The following STUM variants were observed in gnomAD, a reference collection of about 807,000 sequenced individuals.
STUM encodes protein stum homolog.
In STUM, 8 loss-of-function variants were observed where a neutral mutation model predicts 15.3. That is an observed-to-expected ratio of 0.52 (90% CI 0.31 to 0.94). The LOEUF (loss-of-function observed/expected upper bound fraction) is 0.94, where lower values mean the gene tolerates loss of function less well. Among genes scored for constraint, STUM ranks in the 40% least tolerant of loss-of-function variants. The probability of loss-of-function intolerance (pLI) is 0.05; values close to 1 mark genes in which losing one functional copy is unlikely to be tolerated. For missense variants in STUM, 142 were observed against 204.9 expected, an observed-to-expected ratio of 0.69 and a Z score of 1.87; for synonymous variants, 78 against 88.7, an observed-to-expected ratio of 0.88 and a Z score of 0.68.
At chr1:226,587,343 A>T (rs1219373635) in intron 1 of STUM, among the ~76,000 whole-genome samples, 1 of 152,166 alleles carries the variant, frequency 6.6e-6, no homozygotes, top group East Asian at 1.9e-4. Flanking sequence ...CTCGGAAGGA[A>T]GGACACCAGA....
At chr1:226,580,820 C>G (rs1667906819) in intron 1 of STUM, among the ~76,000 whole-genome samples, 1 of 152,224 alleles carries the variant, frequency 6.6e-6, no homozygotes, top group Non-Finnish European at 1.5e-5. Context: ...AGGACAGTGT[C>G]TGGTGGATCT....
rs781073108 is a variant in STUM at position 226,602,067 on chromosome 1, A to AG, written c.*33dup. On this transcript the variant is annotated 3_prime_UTR_variant, in exon 4 of 4. Transcript: ENST00000366788. ...CCCACGGGAGCCGCTGGGGAGATCCAGGGGGGCCCTGTGAGGGCTGCACCA... is the reference window on the plus strand; with the variant it reads ...CCCACGGGAGCCGCTGGGGAGATCCAGGGGGGGCCCTGTGAGGGCTGCACCA... The AG allele has an allele frequency of 1.0e-5, 16 of 1,597,902 alleles. No individual in the cohort carries two copies. Among genetic ancestry groups the AG allele is most frequent in the South Asian group, 6.6e-5 (6 of 90,408 alleles).
intron 1 of STUM, among the ~76,000 whole-genome samples, chr1:226,566,353 T>A (rs958962126): frequency 8.5e-5 from 13 of 152,108 alleles, no homozygotes; most frequent in Non-Finnish European, 1.8e-4. Flanking sequence ...TTCTTCTGAT[T>A]TTTTTCCCCC....
chr1:226,560,021 C>G (rs915809665), intron 1 of STUM, among the ~76,000 whole-genome samples: 3 of 152,018 alleles, frequency 2.0e-5, no homozygotes, highest in African/African-American at 7.2e-5. Context: ...CGCCTGTAAT[C>G]CCAGCTACTT....
At chr1:226,556,901 A>G (rs1667454756) in intron 1 of STUM, among the ~76,000 whole-genome samples, 1 of 152,224 alleles carries the variant, frequency 6.6e-6, no homozygotes, top group African/African-American at 2.4e-5. Flanking sequence ...TGATGCTATA[A>G]TTTATGAATA....
chr1:226,577,808 G>T (rs533671497), intron 1 of STUM, among the ~76,000 whole-genome samples: 82 of 130,408 alleles, frequency 6.3e-4, no homozygotes, highest in African/African-American at 2.1e-3. Flanking sequence ...GTTGTTCTGT[G>T]GGGGGGATGG....
rs552589684 is a variant in STUM at position 226,602,795 on chromosome 1, G to A, written c.*755G>A. ...ACACAAAGTTATTAGACTGAAGCAGGAGTGGGCAGACTAGCAGGCTTTCAC... is the reference window on the plus strand; with the variant it reads ...ACACAAAGTTATTAGACTGAAGCAGAAGTGGGCAGACTAGCAGGCTTTCAC... On this transcript the variant is annotated 3_prime_UTR_variant, in exon 4 of 4. Transcript: ENST00000366788. 5 of 152,364 alleles carry A rather than the reference G, an allele frequency of 3.3e-5. No homozygotes were observed. The South Asian group carries it at 1.0e-3, about 32-fold the overall frequency. 9.4% of individuals were successfully genotyped at this position (152,364 alleles called of 1,614,324 possible). A position where few individuals can be genotyped will look rare whatever the true frequency, so the allele number is the denominator to read the frequency against.
intron 1 of STUM, among the ~76,000 whole-genome samples, chr1:226,554,956 G>T (rs558606303): frequency 6.6e-6 from 1 of 152,270 alleles, no homozygotes; most frequent in African/African-American, 2.4e-5. Context: ...AGGGTCGCCA[G>T]TCTCCTCCAG....
At chr1:226,590,452 C>G (rs1668068084) in intron 1 of STUM, among the ~76,000 whole-genome samples, 1 of 152,124 alleles carries the variant, frequency 6.6e-6, no homozygotes, top group Non-Finnish European at 1.5e-5. Context: ...TTCTGGGACG[C>G]CCTCCCCTAG....
chr1:226,555,369 G>A (rs527887899), intron 1 of STUM, among the ~76,000 whole-genome samples: 30 of 152,138 alleles, frequency 2.0e-4, no homozygotes, highest in Non-Finnish European at 3.5e-4. Flanking sequence ...GAAACCAAAA[G>A]GCATCCTAGA....
intron 1 of STUM, among the ~76,000 whole-genome samples, chr1:226,592,905 C>T (rs1668112096): frequency 6.6e-6 from 1 of 151,934 alleles, no homozygotes; most frequent in Admixed American, 6.6e-5. Flanking sequence ...CACCCTGCCA[C>T]TTGGGCGCGG....
intron 1 of STUM, among the ~76,000 whole-genome samples, chr1:226,593,944 G>A (rs1040937181): frequency 6.6e-6 from 1 of 152,210 alleles, no homozygotes; most frequent in Non-Finnish European, 1.5e-5. Flanking sequence ...GAGGCAGGTG[G>A]TAGGAGGAGA....
At chr1:226,601,636 C>A (rs1053912663) in intron 3 of STUM, among the ~76,000 whole-genome samples, 1 of 152,190 alleles carries the variant, frequency 6.6e-6, no homozygotes, top group Non-Finnish European at 1.5e-5. Flanking sequence ...ATACCAGATG[C>A]CCAACCTTCG....
rs947224107 is a variant in STUM, at chr1:226,607,029, C to G, written c.*4989C>G. The stretch of plus-strand genomic sequence containing the variant: ...GGCGTGGGGACACACTCTTCAAGGA[C>G]TGCACTGCCCCTTCTCCCTCCTGAG... On this transcript the variant is annotated 3_prime_UTR_variant, in exon 4 of 4. Coordinates refer to ENST00000366788, the MANE Select transcript of STUM (RefSeq NM_001003665.4). The G allele has an allele frequency of 3.3e-5, 5 of 152,424 alleles. No individual in the cohort carries two copies. The highest frequency in any genetic ancestry group is 1.2e-4 in the African/African-American group (5 of 41,468). 9.4% of individuals were successfully genotyped at this position (152,424 alleles called of 1,614,324 possible). A position where few individuals can be genotyped will look rare whatever the true frequency, so the allele number is the denominator to read the frequency against.
chr1:226,558,156 G>T (rs1667479558), intron 1 of STUM, among the ~76,000 whole-genome samples: 1 of 152,144 alleles, frequency 6.6e-6, no homozygotes, highest in South Asian at 2.1e-4. Flanking sequence ...GAGAAGGAAA[G>T]AAAAGGCATC....
rs1459770471 is a variant in STUM, at chr1:226,607,618, C to A, written c.*5578C>A. On this transcript the variant is annotated 3_prime_UTR_variant, in exon 4 of 4. Coordinates refer to ENST00000366788, the MANE Select transcript of STUM (RefSeq NM_001003665.4). ...TTTCTAGCAGAACAGAAACACTGGC[C>A]CCCAATTCCACTCTCCCCTCCTGAT... 1 of 152,798 alleles carries A rather than the reference C, an allele frequency of 6.5e-6. No homozygotes were observed. The highest frequency in any genetic ancestry group is 1.9e-4 in the East Asian group (1 of 5,196). The allele number at this position is 152,798 out of a possible 1,614,324, so 9.5% of individuals were successfully genotyped here.
At chr1:226,595,753 C>T (rs1164024432) in intron 1 of STUM, among the ~76,000 whole-genome samples, 4 of 152,210 alleles carry the variant, frequency 2.6e-5, no homozygotes, top group Middle Eastern at 3.4e-3. Context: ...ACGCTGCTGG[C>T]GGTGATGATG....
At chr1:226,559,898 G>A (rs897702633) in intron 1 of STUM, among the ~76,000 whole-genome samples, 9 of 148,110 alleles carry the variant, frequency 6.1e-5, no homozygotes, top group South Asian at 2.3e-4. Context: ...GCGTGAACCC[G>A]GGGGGGCGGA....
intron 1 of STUM, among the ~76,000 whole-genome samples, chr1:226,563,928 G>C (rs975533985): frequency 2.6e-5 from 4 of 152,202 alleles, no homozygotes; most frequent in Non-Finnish European, 5.9e-5. Flanking sequence ...GGGGTTCTGA[G>C]GCTCAAGGCA....
Sources: allele counts gnomAD v4.1 joint callset (sites outside exome capture counted in the v4.1 genomes callset), GRCh38; gene constraint gnomAD v4.1.1; transcripts MANE v1.5; gene names NCBI Gene and HGNC (gene_info 2026-07-23, HGNC 2026-07-21).